MACROD2: variants seen among roughly 807,000 people sequenced by gnomAD.
MACROD2 encodes the protein mono-ADP ribosylhydrolase 2, also known as ADP-ribose glycohydrolase MACROD2.
MACROD2 carries 36 observed loss-of-function variants against 70.4 expected under a neutral mutation model. That is an observed-to-expected ratio of 0.51 (90% CI 0.39 to 0.68). MACROD2 has a LOEUF of 0.68. Among genes scored for constraint, MACROD2 ranks in the 30% least tolerant of loss-of-function variants. The pLI, the probability that MACROD2 is intolerant of heterozygous loss-of-function variation, is 0.00. For missense variants in MACROD2, 496 were observed against 538.4 expected (o/e 0.92, Z 0.78); for synonymous variants, 172 against 178.8 (o/e 0.96, Z 0.30).
chr20:15,230,723 A>T (rs1275238460), intron 6 of MACROD2, among the ~76,000 whole-genome samples: 2 of 152,094 alleles, frequency 1.3e-5, no homozygotes, highest in African/African-American at 4.8e-5. Flanking sequence ...GCTGAGATGA[A>T]AGGAATTCTC....
chr20:15,698,092 A>G lies in MACROD2; in HGVS notation c.646-164653A>G, dbSNP rs6043455. 2.6e-4 allele frequency among the ~76,000 whole-genome samples: 39 copies of G among 152,168 alleles called. 1 individual carries two copies. In the South Asian group the frequency reaches 7.2e-3, roughly 28 times the overall value. On this transcript the variant is annotated intron_variant, in intron 8 of 17. Coordinates refer to ENST00000684519, the MANE Select transcript of MACROD2 (RefSeq NM_001351661.2). The stretch of plus-strand genomic sequence containing the variant: ...TGAAATGTGAGGTACCATTGCATTC[A>G]TCATGCTCTTTGTTGCCAGTGTACT...
intron 15 of MACROD2, among the ~76,000 whole-genome samples, chr20:16,015,229 A>G (rs919826194): frequency 2.6e-5 from 4 of 152,312 alleles, no homozygotes; most frequent in Middle Eastern, 3.4e-3. Flanking sequence ...ATTTAAATGT[A>G]ATTTAAATAC....
intron 4 of MACROD2, among the ~76,000 whole-genome samples, chr20:14,663,134 A>G (rs1461068511): frequency 6.6e-6 from 1 of 152,140 alleles, no homozygotes; most frequent in African/African-American, 2.4e-5. Context: ...TATATATACC[A>G]TGGAATACTA....
chr20:15,230,813 C>G (rs1191121204), intron 6 of MACROD2, among the ~76,000 whole-genome samples: 1 of 151,950 alleles, frequency 6.6e-6, no homozygotes, highest in Non-Finnish European at 1.5e-5. Flanking sequence ...TCAATTACAC[C>G]AAGAAAATCA....
chr20:15,066,372 G>T (rs2075575363), intron 5 of MACROD2, among the ~76,000 whole-genome samples: 1 of 151,672 alleles, frequency 6.6e-6, no homozygotes, highest in Non-Finnish European at 1.5e-5. Flanking sequence ...GACCTCAGGT[G>T]ATCTGCCCAC....
chr20:14,021,914 G>T (rs554078261), intron 2 of MACROD2, among the ~76,000 whole-genome samples: 1 of 152,106 alleles, frequency 6.6e-6, no homozygotes, highest in Non-Finnish European at 1.5e-5. Context: ...GAGAACCTTA[G>T]GGGGAAGGGG....
chr20:15,862,865 AT>A (rs758794420), intron 9 of MACROD2, 39 bp downstream of exon 9: 6 of 1,487,578 alleles, frequency 4.0e-6, no homozygotes, highest in Non-Finnish European at 5.6e-6. Context: ...CAAATTGAGG[AT>A]GGAAGAAGTG....
chr20:14,186,103 T>C (rs2081342010), intron 3 of MACROD2, among the ~76,000 whole-genome samples: 1 of 152,148 alleles, frequency 6.6e-6, no homozygotes, highest in Non-Finnish European at 1.5e-5. Context: ...TGACAGATGT[T>C]TTCAATACTG....
chr20:15,345,179 A>G (rs2146213102), intron 6 of MACROD2, among the ~76,000 whole-genome samples: 1 of 152,318 alleles, frequency 6.6e-6, no homozygotes, highest in South Asian at 2.1e-4. Context: ...TTCTAATGCC[A>G]TCACGTTAGG....
intron 6 of MACROD2, among the ~76,000 whole-genome samples, chr20:15,425,026 A>G (rs186852581): frequency 2.6e-4 from 40 of 152,214 alleles, no homozygotes; most frequent in Admixed American, 3.9e-4. Context: ...TCTGGCATGA[A>G]AAAAGAAAGA....
At chr20:14,598,888 A>G (rs773369829) in intron 4 of MACROD2, among the ~76,000 whole-genome samples, 1 of 152,198 alleles carries the variant, frequency 6.6e-6, no homozygotes, top group Non-Finnish European at 1.5e-5. Flanking sequence ...TCAGTTTGAT[A>G]GAAGAGTTAT....
intron 13 of MACROD2, among the ~76,000 whole-genome samples, chr20:15,984,061 G>A (rs6034339): frequency 5.3e-5 from 8 of 152,048 alleles, no homozygotes; most frequent in African/African-American, 1.9e-4. Flanking sequence ...ATAAAACCTT[G>A]TAGACATATT....
chr20:15,548,607 G>A (rs2048055715), intron 8 of MACROD2, among the ~76,000 whole-genome samples: 1 of 152,112 alleles, frequency 6.6e-6, no homozygotes, highest in Non-Finnish European at 1.5e-5. Context: ...TCTTGGCCAG[G>A]CTGGTCCTGA....
intron 6 of MACROD2, among the ~76,000 whole-genome samples, chr20:15,290,376 G>A (rs2077530867): frequency 1.3e-5 from 2 of 152,282 alleles, no homozygotes; most frequent in Middle Eastern, 3.4e-3. Flanking sequence ...TATGCAGAGT[G>A]TTGATTTGGA....
chr20:14,205,111 C>A (rs1005296890), intron 3 of MACROD2, among the ~76,000 whole-genome samples: 2 of 152,168 alleles, frequency 1.3e-5, no homozygotes, highest in African/African-American at 4.8e-5. Flanking sequence ...GAACAGGAAC[C>A]CTGATTGGAA....
At chr20:14,445,590 A>G (rs1281068521) in intron 3 of MACROD2, among the ~76,000 whole-genome samples, 13 of 152,060 alleles carry the variant, frequency 8.5e-5, no homozygotes, top group Non-Finnish European at 1.8e-4. Flanking sequence ...ATACAGTGTA[A>G]AACAGTCCTC....
At chr20:14,040,246 A>T (rs1249066091) in intron 2 of MACROD2, among the ~76,000 whole-genome samples, 1 of 152,196 alleles carries the variant, frequency 6.6e-6, no homozygotes, top group Non-Finnish European at 1.5e-5. Flanking sequence ...TATATAGCAT[A>T]GCCTATTAGT....
intron 2 of MACROD2, among the ~76,000 whole-genome samples, chr20:14,059,890 G>T (rs2053672962): frequency 6.6e-6 from 1 of 152,184 alleles, no homozygotes; most frequent in Non-Finnish European, 1.5e-5. Flanking sequence ...CTTTTCTGAG[G>T]AGGTGACATT....
intron 8 of MACROD2, among the ~76,000 whole-genome samples, chr20:15,824,285 G>C (rs1181323902): frequency 2.0e-5 from 3 of 151,996 alleles, no homozygotes; most frequent in Non-Finnish European, 4.4e-5. Flanking sequence ...TTGTGTATGT[G>C]AATGTGTGTG....
Sources: allele counts gnomAD v4.1 joint callset (sites outside exome capture counted in the v4.1 genomes callset), GRCh38; gene constraint gnomAD v4.1.1; transcripts MANE v1.5; gene names NCBI Gene and HGNC (gene_info 2026-07-23, HGNC 2026-07-21).